The following ERCC1 variants were observed in gnomAD, a reference collection of about 807,000 sequenced individuals.
The protein encoded by ERCC1 is DNA excision repair protein ERCC-1.
ERCC1 carries 36 observed loss-of-function variants against 37.6 expected under a neutral mutation model. That is an observed-to-expected ratio of 0.96 (90% CI 0.73 to 1.26). The LOEUF is 1.26. ERCC1 is among the 50% of genes most tolerant of loss of function. ERCC1 has a pLI of 0.00. For synonymous variants in ERCC1, 156 were observed against 162.1 expected, an observed-to-expected ratio of 0.96 and a Z score of 0.28; for missense variants, 349 against 376.5, an observed-to-expected ratio of 0.93 and a Z score of 0.60.
intron 1 of ERCC1, among the ~76,000 whole-genome samples, chr19:45,444,161 A>G (rs963199607): frequency 6.7e-6 from 1 of 148,156 alleles, no homozygotes; most frequent in Non-Finnish European, 1.5e-5. Flanking sequence ...ACTGACCCCA[A>G]TACACTCTCT....
chr19:45,423,641 A>G (rs1477399878), intron 1 of ERCC1, 140 bp downstream of exon 1: 1 of 1,256,426 alleles, frequency 8.0e-7, no homozygotes. Context: ...CGTCCCCACC[A>G]TCCCCCGCCT....
chr19:45,436,935 C>A (rs1568598387), intron 1 of ERCC1, among the ~76,000 whole-genome samples: 1 of 151,844 alleles, frequency 6.6e-6, no homozygotes, highest in Non-Finnish European at 1.5e-5. Flanking sequence ...ATAGTGGATT[C>A]CAATATAGTG....
chr19:45,441,550 T>A (rs1233161607), intron 1 of ERCC1, among the ~76,000 whole-genome samples: 2 of 152,194 alleles, frequency 1.3e-5, no homozygotes, highest in African/African-American at 2.4e-5. Flanking sequence ...ATTTTTGTAT[T>A]TTTTTGTAGA....
At chr19:45,445,997 T>C (rs1441991118) in intron 1 of ERCC1, among the ~76,000 whole-genome samples, 2 of 152,124 alleles carry the variant, frequency 1.3e-5, no homozygotes, top group Non-Finnish European at 2.9e-5. Flanking sequence ...CAAGCGATTC[T>C]CCTGCCTCAG....
rs1162293680 is a variant in ERCC1, at chr19:45,433,688, T to C, written c.-7-10307A>G. ...GGGTGACAGAGCAAGACTCTGTCTT[T>C]AAAAAAAAAAAAAAAAGAATCAATG... On this transcript the variant is annotated intron_variant, in intron 1 of 8. Transcript: ENST00000423698. Among the ~76,000 whole-genome samples the C allele has an allele frequency of 5.3e-5, 7 of 133,316 alleles. No individual in the cohort carries two copies. In the Middle Eastern group the frequency reaches 0.012, roughly 223 times the overall value. 87.5% of individuals were successfully genotyped at this position (133,316 alleles called of 152,430 possible). A position where few individuals can be genotyped will look rare whatever the true frequency, so the allele number is the denominator to read the frequency against.
chr19:45,450,899 C>A (rs866713815), intron 1 of ERCC1, among the ~76,000 whole-genome samples: 31 of 96,660 alleles, frequency 3.2e-4, no homozygotes, highest in East Asian at 1.4e-3. Flanking sequence ...CCCCCCCCCC[C>A]CCCCCCACGC....
rs1284664037 is a variant in ERCC1 at position 45,420,622 on chromosome 19, C to A, written c.322-195G>T. On this transcript the variant is annotated intron_variant, in intron 3 of 9. Transcript: ENST00000300853. The surrounding 1 kb of genome is among the most constrained non-coding windows in gnomAD (Gnocchi z 4.8). ...TTTTCCAGCTTCTCTCTCCTCCTAACCCTGGACAGTCCCTGATCCTCTGAT... is the reference window on the plus strand; with the variant it reads ...TTTTCCAGCTTCTCTCTCCTCCTAAACCTGGACAGTCCCTGATCCTCTGAT... 6.6e-6 allele frequency among the ~76,000 whole-genome samples: 1 copy of A among 152,082 alleles called. No homozygotes were observed. Among genetic ancestry groups the A allele is most frequent in the Non-Finnish European group, 1.5e-5 (1 of 68,012 alleles).
In ERCC1 at chr19:45,409,243, G is replaced by C. The variant is rs762674257; in HGVS notation, c.*432C>G. 6.2e-7 allele frequency: 1 copy of C among 1,613,784 alleles called. No individual in the cohort carries two copies. The highest frequency in any genetic ancestry group is 8.5e-7 in the Non-Finnish European group (1 of 1,179,794). ...CTCCCACATCCACCAAGAAGAAGAA[G>C]AAGAAGAAAGAGAGAGGTCACACAG... On this transcript the variant is annotated 3_prime_UTR_variant, in exon 10 of 10. Coordinates refer to ENST00000300853, the MANE Select transcript of ERCC1 (RefSeq NM_001983.4).
chr19:45,432,144 CA>C (rs1452122055), intron 1 of ERCC1, among the ~76,000 whole-genome samples: 1 of 151,596 alleles, frequency 6.6e-6, no homozygotes, highest in Non-Finnish European at 1.5e-5. Flanking sequence ...GCTAATTTTT[CA>C]TATTTTAGTA....
At chr19:45,425,236 T>C (rs935570555), upstream of ERCC1, among the ~76,000 whole-genome samples, 1 of 151,138 alleles carries the variant, frequency 6.6e-6, no homozygotes, top group African/African-American at 2.4e-5. Context: ...TATAATGATA[T>C]ATTCTATCAT....
rs377266938 is a variant in ERCC1, at chr19:45,414,054, G to A, written c.703-20C>T. On this transcript the variant is annotated intron_variant, in intron 7 of 9. Transcript: ENST00000300853. Reference sequence around the variant, plus strand: ...AGTCACCTGGAAAGGGTGGAGGCAGGAGTGTGTCGGAAGAAGAAAGGCCAG... The same window carrying A: ...AGTCACCTGGAAAGGGTGGAGGCAGAAGTGTGTCGGAAGAAGAAAGGCCAG... 8.7e-6 allele frequency: 14 copies of A among 1,606,110 alleles called. No homozygotes were observed. The African/African-American group carries it at 1.3e-4, about 15-fold the overall frequency.
chr19:45,411,538 A>G (rs1014977823), intron 9 of ERCC1, among the ~76,000 whole-genome samples: 2 of 152,098 alleles, frequency 1.3e-5, no homozygotes, highest in Non-Finnish European at 2.9e-5. Context: ...TCACACCTGT[A>G]ATCCCGGCAC....
intron 1 of ERCC1, among the ~76,000 whole-genome samples, chr19:45,432,686 T>C (rs567026164): frequency 6.6e-6 from 1 of 152,208 alleles, no homozygotes; most frequent in African/African-American, 2.4e-5. Context: ...GGACTACAGG[T>C]GCATGCCACC....
intron 1 of ERCC1, among the ~76,000 whole-genome samples, chr19:45,438,166 T>C (rs1975030484): frequency 6.6e-6 from 1 of 152,344 alleles, no homozygotes; most frequent in African/African-American, 2.4e-5. Flanking sequence ...CGCCTCCGTC[T>C]CCCAAAGTGC....
intron 1 of ERCC1, 23 bp from the exon 2 acceptor site, chr19:45,423,404 C>G: frequency 1.9e-6 from 3 of 1,593,742 alleles, no homozygotes; most frequent in Non-Finnish European, 2.6e-6. Context: ...GTGCCAGGAG[C>G]GAGTGAGCCA....
At chr19:45,432,739 G>C (rs1392657451) in intron 1 of ERCC1, among the ~76,000 whole-genome samples, 2 of 152,150 alleles carry the variant, frequency 1.3e-5, no homozygotes, top group Non-Finnish European at 2.9e-5. Context: ...ACGGGGTCTT[G>C]CTATGTTGCC....
chr19:45,414,620 C>G, intron 7 of ERCC1: 2 of 502,732 alleles, frequency 4.0e-6, no homozygotes, highest in South Asian at 4.1e-5. Context: ...CCTTGTTGAG[C>G]CTGGTGAGAA....
rs113358271 is a variant in ERCC1, at chr19:45,415,278, T to G, written c.603-318A>C. Among the ~76,000 whole-genome samples, 24,811 of 141,366 alleles carry G rather than the reference T, an allele frequency of 0.18. 2,435 individuals are homozygous for G. The highest frequency in any genetic ancestry group is 0.22 in the Non-Finnish European group (14,911 of 66,482). 92.7% of individuals were successfully genotyped at this position (141,366 alleles called of 152,430 possible). A position where few individuals can be genotyped will look rare whatever the true frequency, so the allele number is the denominator to read the frequency against. ...TGAACCCGGGAGGCGGAGGTTGCAG[T>G]GAGCCAAGATCACGCCATTGCACTC... On this transcript the variant is annotated intron_variant, in intron 6 of 9. Coordinates refer to ENST00000300853, the MANE Select transcript of ERCC1 (RefSeq NM_001983.4).
chr19:45,434,619 T>A (rs1974926560), intron 1 of ERCC1, among the ~76,000 whole-genome samples: 1 of 152,154 alleles, frequency 6.6e-6, no homozygotes, highest in Admixed American at 6.6e-5. Context: ...TGAGTCTTGC[T>A]CTGTCACCCA....
Sources: allele counts gnomAD v4.1 joint callset (sites outside exome capture counted in the v4.1 genomes callset), GRCh38; gene constraint gnomAD v4.1.1; non-coding constraint Gnocchi (gnomAD v3.1); transcripts MANE v1.5; gene names NCBI Gene and HGNC (gene_info 2026-07-23, HGNC 2026-07-21).